TXNRD1: variants seen among roughly 807,000 people sequenced by gnomAD.
The protein encoded by TXNRD1 is thioredoxin reductase 1, cytoplasmic.
A neutral mutation model predicts 80.3 loss-of-function variants in TXNRD1; 57 were observed. The observed-to-expected ratio is 0.71, with a 90% CI of 0.57 to 0.89. The LOEUF is 0.89. TXNRD1 is among the 40% of genes least tolerant of loss of function. The pLI is 0.00. For missense variants in TXNRD1, 730 were observed against 803.0 expected (o/e 0.91, Z 1.10); for synonymous variants, 291 against 285.2 (o/e 1.02, Z -0.20).
chr12:104,324,634 G>A (rs1006165561), intron 10 of TXNRD1, among the ~76,000 whole-genome samples: 3 of 150,202 alleles, frequency 2.0e-5, no homozygotes, highest in African/African-American at 2.5e-5. Flanking sequence ...ACAGGCGTGA[G>A]CCACCGCACC....
At chr12:104,256,498 T>C (rs1243003595) in intron 2 of TXNRD1, among the ~76,000 whole-genome samples, 1 of 152,074 alleles carries the variant, frequency 6.6e-6, no homozygotes, top group Non-Finnish European at 1.5e-5. Context: ...AAAAGGCTAC[T>C]GGCTGCGTAT....
chr12:104,345,575 T>TG (rs993700966), intron 16 of TXNRD1, among the ~76,000 whole-genome samples: 1 of 152,296 alleles, frequency 6.6e-6, no homozygotes, highest in African/African-American at 2.4e-5. Context: ...CAGTGTGAGA[T>TG]GGGGTTGGTG....
chr12:104,300,076 G>T (rs996778992), intron 4 of TXNRD1, among the ~76,000 whole-genome samples: 2 of 152,304 alleles, frequency 1.3e-5, no homozygotes, highest in Non-Finnish European at 2.9e-5. Context: ...CCTCACTGGA[G>T]AAAAATAGTG....
chr12:104,288,015 G>T (rs1208503418), intron 3 of TXNRD1, among the ~76,000 whole-genome samples: 1 of 152,096 alleles, frequency 6.6e-6, no homozygotes, highest in Non-Finnish European at 1.5e-5. Context: ...TTTTGAGACG[G>T]AGTCTCATTC....
intron 16 of TXNRD1, among the ~76,000 whole-genome samples, chr12:104,342,335 A>G (rs2036354236): frequency 6.6e-6 from 1 of 152,140 alleles, no homozygotes; most frequent in African/African-American, 2.4e-5. Context: ...AAAGGGGCTC[A>G]TTATGAATAG....
intron 2 of TXNRD1, among the ~76,000 whole-genome samples, chr12:104,252,529 G>A (rs1281142852): frequency 6.6e-6 from 1 of 150,812 alleles, no homozygotes; most frequent in Non-Finnish European, 1.5e-5. Flanking sequence ...AACCTGATCT[G>A]TCTGGTGCTT....
At chr12:104,327,030 G>C (rs2035790274) in intron 12 of TXNRD1, among the ~76,000 whole-genome samples, 1 of 151,346 alleles carries the variant, frequency 6.6e-6, no homozygotes, top group Non-Finnish European at 1.5e-5. Context: ...TCCATCTTTT[G>C]GCCTCTAGTG....
intron 1 of TXNRD1, among the ~76,000 whole-genome samples, chr12:104,243,626 T>C (rs1379476836): frequency 1.3e-5 from 2 of 152,216 alleles, no homozygotes; most frequent in Admixed American, 1.3e-4. Context: ...TGGGGTTCTG[T>C]GGAAATCCTT....
chr12:104,257,950 G>A (rs986325530), intron 2 of TXNRD1, 69 bp from the exon 3 acceptor site: 6 of 1,223,632 alleles, frequency 4.9e-6, no homozygotes, highest in Non-Finnish European at 6.9e-6. Context: ...AACAAAGCTG[G>A]ATAAGAGATT....
At chr12:104,292,417 C>T (rs1183606437) in intron 4 of TXNRD1, among the ~76,000 whole-genome samples, 3 of 136,582 alleles carry the variant, frequency 2.2e-5, no homozygotes, top group Non-Finnish European at 3.1e-5. Context: ...AGATGGAGTT[C>T]TGCTCTTGTT....
intron 14 of TXNRD1, among the ~76,000 whole-genome samples, 177 bp downstream of exon 14, chr12:104,331,818 CTG>C (rs35676546): frequency 7.3e-4 from 109 of 150,262 alleles, no homozygotes; most frequent in African/African-American, 2.0e-3. Context: ...GTCTCTCATT[CTG>C]TGTGTGTGTG....
At chr12:104,337,751 C>T (rs2036186818) in intron 15 of TXNRD1, among the ~76,000 whole-genome samples, 1 of 151,764 alleles carries the variant, frequency 6.6e-6, no homozygotes, top group African/African-American at 2.4e-5. Flanking sequence ...ACTATTTATC[C>T]TCAAAACCTT....
rs2034079746 is a variant in TXNRD1 at position 104,288,999 on chromosome 12, G to T, written c.373G>T (p.Val125Leu). The change falls in exon 4 of 17, where the codon GTG (valine) becomes TTG (leucine). Residue 125 changes from valine (V) to leucine (L), a missense_variant. By Grantham distance (32) the Val-to-Leu change is conservative. Transcript: ENST00000525566. ...AAETDLPVVFVKQRKIGGHGP... is the reference protein window; with the variant it reads ...AAETDLPVVFLKQRKIGGHGP... Reference sequence around the variant, plus strand: ...GGAAACCGATCTGCCCGTTGTGTTTGTGAAACAGAGAAAGATAGGCGGCCA... The same window carrying T: ...GGAAACCGATCTGCCCGTTGTGTTTTTGAAACAGAGAAAGATAGGCGGCCA... 3 of 1,614,048 alleles carry T rather than the reference G, an allele frequency of 1.9e-6. No individual in the cohort carries two copies. Among genetic ancestry groups the T allele is most frequent in the Non-Finnish European group, 2.5e-6 (3 of 1,179,896 alleles).
chr12:104,253,817 C>G (rs1197960089), intron 2 of TXNRD1, among the ~76,000 whole-genome samples: 1 of 152,006 alleles, frequency 6.6e-6, no homozygotes, highest in Non-Finnish European at 1.5e-5. Context: ...CTCAGCCTCC[C>G]AAGTAGCTGG....
chr12:104,235,247 C>T (rs890830292), intron 1 of TXNRD1, among the ~76,000 whole-genome samples: 1 of 152,168 alleles, frequency 6.6e-6, no homozygotes, highest in Non-Finnish European at 1.5e-5. Context: ...ACCGCACAAT[C>T]TAAGCTGATC....
intron 4 of TXNRD1, among the ~76,000 whole-genome samples, chr12:104,300,749 C>T (rs377014218): frequency 3.3e-5 from 5 of 152,004 alleles, no homozygotes; most frequent in East Asian, 1.9e-4. Context: ...TTGTCTCACC[C>T]GCAACCTCTG....
Position 104,319,049 on chromosome 12 carries a change from G to T in TXNRD1, c.867G>T (p.Arg289Ser), listed in dbSNP as rs755776124. The T allele has an allele frequency of 6.2e-7, 1 of 1,606,904 alleles. No individual in the cohort carries two copies. The highest frequency in any genetic ancestry group is 1.7e-5 in the Admixed American group (1 of 58,258). ...NAYGQFIGPHRIKATNNKGKE... is the reference protein window; with the variant it reads ...NAYGQFIGPHSIKATNNKGKE... ...ATGGGCAATTTATTGGTCCTCACAG[G>T]ATTAAGGTAATTGTGTGACATCCTG... The change falls in exon 8 of 17, where the codon AGG (arginine) becomes AGT (serine). Residue 289 changes from arginine (R) to serine (S), a missense_variant. Coordinates refer to ENST00000525566, the MANE Select transcript of TXNRD1 (RefSeq NM_001093771.3).
chr12:104,340,579 C>CT (rs2036288995), intron 16 of TXNRD1, among the ~76,000 whole-genome samples: 1 of 152,168 alleles, frequency 6.6e-6, no homozygotes. Flanking sequence ...AATGGCAATC[C>CT]TTGGCGTTCC....
At chr12:104,278,747 C>T (rs900679449) in intron 3 of TXNRD1, among the ~76,000 whole-genome samples, 5 of 152,132 alleles carry the variant, frequency 3.3e-5, no homozygotes, top group South Asian at 2.1e-4. Flanking sequence ...GTGATCCGCC[C>T]GCCTCGGCCT....
Sources: gnomAD v4.1 joint callset for allele counts (sites outside exome capture counted in the v4.1 genomes callset) on GRCh38, gnomAD v4.1.1 for gene constraint, MANE v1.5 for transcripts, NCBI Gene and HGNC (gene_info 2026-07-23, HGNC 2026-07-21) for gene names.